Variants in ITCH observed in about 807,000 individuals in gnomAD.
The protein encoded by ITCH is itchy E3 ubiquitin protein ligase.
ITCH carries 28 observed loss-of-function variants against 126.8 expected under a neutral mutation model. The observed-to-expected ratio is 0.22, with a 90% CI of 0.16 to 0.30. ITCH has a LOEUF of 0.30. Among genes scored for constraint, ITCH ranks in the 10% least tolerant of loss-of-function variants. The probability of loss-of-function intolerance (pLI) is 1.00; values close to 1 mark genes in which losing one functional copy is unlikely to be tolerated. For synonymous variants in ITCH, 342 were observed against 340.0 expected (o/e 1.01, Z -0.06); for missense variants, 631 against 1,032.4 (o/e 0.61, Z 5.33).
intron 20 of ITCH, among the ~76,000 whole-genome samples, chr20:34,486,182 C>CTTAT (rs930262576): frequency 1.1e-4 from 16 of 151,848 alleles, no homozygotes; most frequent in African/African-American, 3.1e-4. Context: ...GCCTGGCTTA[C>CTTAT]TTATTTATTT....
intron 6 of ITCH, among the ~76,000 whole-genome samples, chr20:34,419,630 G>T (rs749365883): frequency 6.6e-6 from 1 of 151,560 alleles, no homozygotes; most frequent in Non-Finnish European, 1.5e-5. Context: ...AGGCGTCCAC[G>T]ACCACACTCA....
chr20:34,378,559 AC>A (rs2037936975), intron 2 of ITCH, among the ~76,000 whole-genome samples: 1 of 151,892 alleles, frequency 6.6e-6, no homozygotes, highest in African/African-American at 2.4e-5. Context: ...GAATAAAAAT[AC>A]TGAACTGGGC....
chr20:34,504,284 G>T, intron 23 of ITCH, 47 bp from the exon 24 acceptor site: 2 of 1,394,406 alleles, frequency 1.4e-6, no homozygotes, highest in South Asian at 2.3e-5. Flanking sequence ...AACACAGTTT[G>T]AGATCCACTA....
chr20:34,411,594 C>T (rs1278273414), intron 4 of ITCH, among the ~76,000 whole-genome samples: 3 of 152,118 alleles, frequency 2.0e-5, no homozygotes, highest in Admixed American at 1.3e-4. Flanking sequence ...TACCCATTGC[C>T]GTTGAAATGG....
At position 34,414,330 on chromosome 20, in the gene ITCH, T is replaced by C. The variant is rs557208382; in HGVS notation, c.475+451T>C. On this transcript the variant is annotated intron_variant, in intron 6 of 24. Transcript: ENST00000374864. ...ATGAGTAATGAGTTGATTTATATAG[T>C]ATTTATTCTGTAGGCCAACTATGGC... Among the ~76,000 whole-genome samples, 5 of 152,192 alleles carry C rather than the reference T, an allele frequency of 3.3e-5. No homozygotes were observed. In the East Asian group the frequency reaches 9.6e-4, roughly 29 times the overall value.
intron 7 of ITCH, among the ~76,000 whole-genome samples, chr20:34,428,991 G>A: frequency 6.6e-6 from 1 of 152,134 alleles, no homozygotes; most frequent in East Asian, 1.9e-4. Flanking sequence ...AGGCTGGAGT[G>A]CAGTGGCGTG....
intron 4 of ITCH, among the ~76,000 whole-genome samples, chr20:34,409,171 A>T (rs1978621659): frequency 1.8e-5 from 2 of 110,476 alleles, no homozygotes; most frequent in African/African-American, 3.6e-5. Context: ...CTTAATTTTT[A>T]AAAATAGTGT....
intron 3 of ITCH, among the ~76,000 whole-genome samples, chr20:34,408,363 T>C (rs1216041448): frequency 2.0e-5 from 3 of 152,220 alleles, no homozygotes; most frequent in Non-Finnish European, 4.4e-5. Flanking sequence ...TGTAACCCGC[T>C]GCACCTGGCC....
At chr20:34,446,068 A>G (rs1482443962) in intron 11 of ITCH, among the ~76,000 whole-genome samples, 2 of 152,238 alleles carry the variant, frequency 1.3e-5, no homozygotes, top group Non-Finnish European at 2.9e-5. Context: ...TTAATAGTGT[A>G]AGTACTCCAA....
intron 13 of ITCH, among the ~76,000 whole-genome samples, chr20:34,458,896 T>C (rs1053504516): frequency 1.3e-5 from 2 of 152,188 alleles, no homozygotes; most frequent in African/African-American, 4.8e-5. Context: ...AGGGCCAGGA[T>C]ATAAACGTGC....
At chr20:34,405,247 G>T (rs1346809080) in intron 3 of ITCH, among the ~76,000 whole-genome samples, 1 of 151,790 alleles carries the variant, frequency 6.6e-6, no homozygotes, top group Non-Finnish European at 1.5e-5. Context: ...GCTCACGCCT[G>T]TAATTCCAAC....
chr20:34,462,058 A>G (rs766817260), intron 13 of ITCH, 35 bp from the exon 14 acceptor site: 5 of 1,607,772 alleles, frequency 3.1e-6, no homozygotes, highest in Non-Finnish European at 4.3e-6. Context: ...CAACTCTTTA[A>G]TATTTTTGTT....
intron 11 of ITCH, 94 bp from the exon 12 acceptor site, chr20:34,449,317 A>T (rs1984882607): frequency 2.7e-6 from 2 of 744,236 alleles, no homozygotes; most frequent in African/African-American, 1.7e-5. Flanking sequence ...TCTGTGTTAT[A>T]CATTGCCAGG....
intron 2 of ITCH, among the ~76,000 whole-genome samples, chr20:34,384,827 A>AT (rs1364490311): frequency 5.4e-5 from 8 of 148,746 alleles, no homozygotes; most frequent in African/African-American, 1.7e-4. Flanking sequence ...CACCTGGCTA[A>AT]TTTTTTTTGT....
At position 34,479,909 on chromosome 20, in the gene ITCH, T is replaced by G. The variant is rs183820932; in HGVS notation, c.1818+120T>G. The G allele has an allele frequency of 4.8e-4, 457 of 953,758 alleles. 1 individual carries two copies. The African/African-American group carries it at 6.3e-3, about 13-fold the overall frequency. 59.1% of individuals were successfully genotyped at this position (953,758 alleles called of 1,614,324 possible). A position where few individuals can be genotyped will look rare whatever the true frequency, so the allele number is the denominator to read the frequency against. ...GTGGTTTTTTGTTTTGTTTTGTTTT[T>G]TATTTTTGAGACAGAGTCTTGCTCT... is the stretch of plus-strand genomic sequence containing the variant. On this transcript the variant is annotated intron_variant, in intron 18 of 24. Transcript: ENST00000374864.
rs1978633252 is a variant in ITCH, at chr20:34,510,285, A to G, written c.*2491A>G. On this transcript the variant is annotated 3_prime_UTR_variant, in exon 25 of 25. Coordinates refer to ENST00000374864, the MANE Select transcript of ITCH (RefSeq NM_031483.7). ...TACTGCAAATAGACCGCAGACATAA[A>G]TATCTACCAAATGCTATCTTAAATT... is the stretch of plus-strand genomic sequence containing the variant. 1 of 152,598 alleles carries G rather than the reference A, an allele frequency of 6.6e-6. No individual in the cohort carries two copies. Among genetic ancestry groups the G allele is most frequent in the South Asian group, 2.1e-4 (1 of 4,834 alleles). 9.5% of individuals were successfully genotyped at this position (152,598 alleles called of 1,614,324 possible).
At chr20:34,399,155 G>T (rs1020296423) in intron 3 of ITCH, among the ~76,000 whole-genome samples, 1 of 152,172 alleles carries the variant, frequency 6.6e-6, no homozygotes, top group Non-Finnish European at 1.5e-5. Flanking sequence ...CACTTTGGGA[G>T]GCCGAGGTGG....
chr20:34,404,645 C>A (rs1437758556), intron 3 of ITCH, among the ~76,000 whole-genome samples: 2 of 151,974 alleles, frequency 1.3e-5, no homozygotes, highest in African/African-American at 4.8e-5. Flanking sequence ...GCTCCTGACC[C>A]CCGTTGATCC....
At chr20:34,394,575 G>GTC (rs2038606437) in intron 3 of ITCH, among the ~76,000 whole-genome samples, 1 of 152,146 alleles carries the variant, frequency 6.6e-6, no homozygotes, top group African/African-American at 2.4e-5. Flanking sequence ...TAGAGATGGG[G>GTC]TCTCACTATA....
Sources: allele counts gnomAD v4.1 joint callset (sites outside exome capture counted in the v4.1 genomes callset), GRCh38; gene constraint gnomAD v4.1.1; transcripts MANE v1.5; gene names NCBI Gene and HGNC (gene_info 2026-07-23, HGNC 2026-07-21).